The following DST variants were observed in gnomAD, a reference collection of about 807,000 sequenced individuals.
DST encodes bullous pemphigoid antigen.
A neutral mutation model predicts 875.2 loss-of-function variants in DST; 253 were observed. The observed-to-expected ratio is 0.29, with a 90% confidence interval of 0.26 to 0.32. The LOEUF (loss-of-function observed/expected upper bound fraction) is 0.32. Ranked by LOEUF, DST falls within the 10% of genes least tolerant of loss-of-function variation. The pLI, the probability that DST is intolerant of heterozygous loss-of-function variation, is 1.00. For synonymous variants in DST, 3,124 were observed against 3,197.1 expected (o/e 0.98, Z 0.77); for missense variants, 8,287 against 9,111.6 (o/e 0.91, Z 3.68).
chr6:56,867,136 C>T (rs1308908017), intron 3 of DST, among the ~76,000 whole-genome samples: 1 of 152,156 alleles, frequency 6.6e-6, no homozygotes, highest in African/African-American at 2.4e-5. Context: ...TAGACCTGGC[C>T]CTGCAGTCTG....
chr6:56,863,361 T>C (rs1025446314), intron 3 of DST: 2 of 152,238 alleles, frequency 1.3e-5, no homozygotes, highest in Non-Finnish European at 2.9e-5. Flanking sequence ...GATATTCTAC[T>C]TAAAAGCACA....
chr6:56,788,666 T>C (rs2099710015), intron 4 of DST, among the ~76,000 whole-genome samples: 1 of 152,202 alleles, frequency 6.6e-6, no homozygotes, highest in Non-Finnish European at 1.5e-5. Context: ...CAAACTACTT[T>C]TTTCCCAAGT....
intron 4 of DST, chr6:56,843,855 A>G: frequency 4.2e-6 from 1 of 237,334 alleles, no homozygotes; most frequent in Non-Finnish European, 6.9e-6. Context: ...TCCCAGGCAG[A>G]GCCACGCGCC....
chr6:56,596,415 G>C (rs2098387583), intron 47 of DST, among the ~76,000 whole-genome samples: 1 of 152,106 alleles, frequency 6.6e-6, no homozygotes, highest in African/African-American at 2.4e-5. Flanking sequence ...TAAAACCAAG[G>C]GCTTTCCTGT....
intron 80 of DST, 145 bp from the exon 81 acceptor site, chr6:56,498,198 G>C: frequency 1.3e-6 from 1 of 780,184 alleles, no homozygotes; most frequent in Non-Finnish European, 2.0e-6. Context: ...TAAAGAGATG[G>C]GGTCTTACTC....
intron 3 of DST, among the ~76,000 whole-genome samples, chr6:56,875,706 T>C (rs13191084): frequency 0.3 from 44,843 of 151,918 alleles, 8,662 homozygotes; most frequent in African/African-American, 0.56. Context: ...GTGTCAATGG[T>C]AGAGGGCTGT....
Position 56,640,478 on chromosome 6 carries a change from A to G in DST, c.2155T>C (p.Ser719Pro). 6.2e-7 allele frequency: 1 copy of G among 1,614,144 alleles called. No individual in the cohort carries two copies. Among genetic ancestry groups the G allele is most frequent in the African/African-American group, 1.3e-5 (1 of 75,038 alleles). The change falls in exon 18 of 104, where the codon TCA (serine) becomes CCA (proline). Residue 719 changes from serine (S) to proline (P), a missense_variant. By Grantham distance (74) the Ser-to-Pro change is moderately conservative (BLOSUM62 -1). Around this residue, in one of 10 missense-constraint regions of DST, gnomAD observed 1,160 missense variants for 1,424.3 expected, o/e 0.81. Transcript: ENST00000680361. Reference sequence around the variant, plus strand: ...GGGTGTAAGGTCTGTGCAAATCCTGAGTTTAAACTTTGAGTGATTCCTGAT... The same window carrying G: ...GGGTGTAAGGTCTGTGCAAATCCTGGGTTTAAACTTTGAGTGATTCCTGAT... ...MISGITQSLNSGFAQTLHPSL... is the reference protein window; with the variant it reads ...MISGITQSLNPGFAQTLHPSL...
rs2097398079 is a variant in DST, at chr6:56,555,403, T to A, written c.15078A>T (p.Glu5026Asp). 6.2e-7 allele frequency: 1 copy of A among 1,612,104 alleles called. No individual in the cohort carries two copies. Among genetic ancestry groups the A allele is most frequent in the Non-Finnish European group, 8.5e-7 (1 of 1,178,754 alleles). ...AGATGCCTTCTAGTTGCCTACTAAG[T>A]TCTGCTTTCAAGTACTCTTCTTTAA... ...ALVKEEYLKA[E>D]LSRQLEGILK... Residue 5026 changes from glutamate to aspartate, a missense_variant, in exon 60 of 104, where the codon GAA (glutamate) becomes GAT (aspartate). Around this residue, in one of 10 missense-constraint regions of DST, gnomAD observed 1,513 missense variants for 1,677.8 expected, o/e 0.90. Transcript: ENST00000680361.
intron 10 of DST, among the ~76,000 whole-genome samples, chr6:56,661,582 CTCTAACAGTTTTTTTTTTTT>C (rs2099042357): frequency 6.7e-6 from 1 of 148,500 alleles, no homozygotes; most frequent in African/African-American, 2.6e-5. Context: ...GACAGCCCCA[CTCTAACAGTTTTTTTTTTTT>C]TGAGGCTGAG....
intron 2 of DST, among the ~76,000 whole-genome samples, chr6:56,922,872 G>C (rs1029566052): frequency 3.3e-5 from 5 of 152,090 alleles, no homozygotes; most frequent in Admixed American, 2.6e-4. Context: ...ATTATAATGG[G>C]TGCTTGTTAA....
At chr6:56,822,096 A>G (rs1339139484) in intron 4 of DST, among the ~76,000 whole-genome samples, 1 of 152,208 alleles carries the variant, frequency 6.6e-6, no homozygotes, top group South Asian at 2.1e-4. Context: ...TGTACATGTG[A>G]ATTTTATTTA....
In DST at chr6:56,509,879, G is replaced by C. The variant is rs1181465484; in HGVS notation, c.18781-6C>G. The C allele has an allele frequency of 1.3e-6, 2 of 1,560,150 alleles. No individual in the cohort carries two copies. Among genetic ancestry groups the C allele is most frequent in the Admixed American group, 3.8e-5 (2 of 52,696 alleles). On this transcript the variant is annotated splice_polypyrimidine_tract_variant and splice_region_variant and intron_variant, in intron 73 of 103. Transcript: ENST00000680361. ...TGATCTATCTTGTCATGGAACTAGG[G>C]GCAAAACAAAGAGATCTTTTATGGA...
intron 2 of DST, among the ~76,000 whole-genome samples, chr6:56,923,504 T>C (rs923687799): frequency 7.0e-6 from 1 of 143,208 alleles, no homozygotes; most frequent in African/African-American, 2.7e-5. Context: ...ATGTAGGGTG[T>C]ATTAGTCTGA....
At chr6:56,781,859 C>T (rs867855998) in intron 4 of DST, among the ~76,000 whole-genome samples, 12 of 152,182 alleles carry the variant, frequency 7.9e-5, no homozygotes, top group Non-Finnish European at 1.5e-4. Flanking sequence ...GGCTGTGGGT[C>T]TGTCATAGAT....
chr6:56,770,634 G>C (rs542284858), intron 4 of DST, among the ~76,000 whole-genome samples: 2 of 152,186 alleles, frequency 1.3e-5, no homozygotes, highest in Non-Finnish European at 2.9e-5. Context: ...GATGAACCAG[G>C]ATTTTTCCCA....
chr6:56,708,469 G>A (rs1171775542), intron 5 of DST, among the ~76,000 whole-genome samples: 1 of 151,244 alleles, frequency 6.6e-6, no homozygotes, highest in East Asian at 1.9e-4. Context: ...CCCCAATACT[G>A]CCTGCTTTTC....
chr6:56,611,563 G>T lies in DST; in HGVS notation c.5092C>A (p.Gln1698Lys), dbSNP rs1207746176. 4 of 1,612,678 alleles carry T rather than the reference G, an allele frequency of 2.5e-6. No homozygotes were observed. Among genetic ancestry groups the T allele is most frequent in the Non-Finnish European group, 3.4e-6 (4 of 1,179,304 alleles). Residue 1698 changes from glutamine to lysine, a missense_variant, in exon 38 of 104, where the codon CAA (glutamine) becomes AAA (lysine). Gln to Lys is a moderately conservative substitution (Grantham distance 53, BLOSUM62 1). Around this residue, in one of 10 missense-constraint regions of DST, gnomAD observed 3,138 missense variants for 3,116.6 expected, o/e 1.01. Transcript: ENST00000680361. ...ATAGTTTGAAGTGCTTCCGATAATT[G>T]TTCCTTCTTGGTTGATATTTCCTCA... ...SSEEISTKKE[Q>K]LSEALQTIQL...
intron 90 of DST, among the ~76,000 whole-genome samples, chr6:56,480,495 G>A (rs2095364466): frequency 6.6e-6 from 1 of 152,092 alleles, no homozygotes; most frequent in Non-Finnish European, 1.5e-5. Context: ...TTCTCATGTG[G>A]GAAAGCTTGC....
chr6:56,776,213 C>G lies in DST; in HGVS notation c.626-40924G>C, dbSNP rs2099678831. Reference sequence around the variant, plus strand: ...CATCAGATAAACCCAAATTGAAGGACATTCTACAAAATACCTGACCACTAC... The same window carrying G: ...CATCAGATAAACCCAAATTGAAGGAGATTCTACAAAATACCTGACCACTAC... On this transcript the variant is annotated intron_variant, in intron 4 of 103. Transcript: ENST00000680361. Among the ~76,000 whole-genome samples, 3 of 152,154 alleles carry G rather than the reference C, an allele frequency of 2.0e-5. No individual in the cohort carries two copies. The South Asian group carries it at 6.2e-4, about 32-fold the overall frequency.
Sources: gnomAD v4.1 joint callset for allele counts (sites outside exome capture counted in the v4.1 genomes callset) on GRCh38, gnomAD v4.1.1 for gene constraint, gnomAD v4.1.1 regional missense constraint, MANE v1.5 for transcripts, NCBI Gene and HGNC (gene_info 2026-07-23, HGNC 2026-07-21) for gene names.